The following TAF2 variants were observed in gnomAD, a reference collection of about 807,000 sequenced individuals.
TAF2 encodes the protein transcription initiation factor TFIID subunit 2.
In TAF2, 61 loss-of-function variants were observed where a neutral mutation model predicts 138.5. The ratio of observed to expected loss-of-function variants is 0.44; its 90% CI spans 0.36 to 0.54. TAF2 has a LOEUF of 0.54. Among genes scored for constraint, TAF2 ranks in the 20% least tolerant of loss-of-function variants. The pLI, the probability that TAF2 is intolerant of heterozygous loss-of-function variation, is 0.00. For synonymous variants in TAF2, 475 were observed against 469.9 expected, an observed-to-expected ratio of 1.01 and a Z score of -0.14; for missense variants, 1,090 against 1,427.9, an observed-to-expected ratio of 0.76 and a Z score of 3.81.
At chr8:119,736,853 T>C (rs56712359) in intron 25 of TAF2, among the ~76,000 whole-genome samples, 15,536 of 152,056 alleles carry the variant, frequency 0.1, 1,218 homozygotes, top group African/African-American at 0.22. Context: ...AACTACAAAT[T>C]TACAGAAACT....
In TAF2 at chr8:119,730,959, C is replaced by T. The variant is rs1205201858; in HGVS notation, c.*965G>A. The T allele has an allele frequency of 1.3e-5, 2 of 152,028 alleles. No homozygotes were observed. Among genetic ancestry groups the T allele is most frequent in the Non-Finnish European group, 1.5e-5 (1 of 67,986 alleles). 9.4% of individuals were successfully genotyped at this position (152,028 alleles called of 1,614,324 possible). On this transcript the variant is annotated 3_prime_UTR_variant, in exon 26 of 26. Transcript: ENST00000378164. ...AAAATTCAGAAATAAAAACACACCA[C>T]CATATAAAGAAATCAAAATATTTCA...
intron 2 of TAF2, among the ~76,000 whole-genome samples, chr8:119,824,363 A>T (rs1159612066): frequency 6.7e-6 from 1 of 149,828 alleles, no homozygotes; most frequent in Non-Finnish European, 1.5e-5. Context: ...CAGGAGGTGG[A>T]GGTTGCAGCG....
At chr8:119,763,566 C>A (rs1821211416) in intron 18 of TAF2, among the ~76,000 whole-genome samples, 1 of 151,948 alleles carries the variant, frequency 6.6e-6, no homozygotes, top group Non-Finnish European at 1.5e-5. Context: ...CCCATCTCTA[C>A]TAAAAATACA....
At chr8:119,765,669 G>T (rs2131074391) in intron 18 of TAF2, among the ~76,000 whole-genome samples, 1 of 152,186 alleles carries the variant, frequency 6.6e-6, no homozygotes, top group Admixed American at 6.5e-5. Flanking sequence ...TTTTAAGGAG[G>T]AAAGAAATTC....
intron 3 of TAF2, among the ~76,000 whole-genome samples, chr8:119,816,080 T>A (rs955895364): frequency 2.0e-5 from 3 of 148,298 alleles, no homozygotes; most frequent in Non-Finnish European, 4.5e-5. Context: ...AGACGGAGTC[T>A]TACTTTGTCG....
intron 3 of TAF2, among the ~76,000 whole-genome samples, chr8:119,813,110 G>A (rs1332791577): frequency 6.6e-6 from 1 of 151,830 alleles, no homozygotes; most frequent in Non-Finnish European, 1.5e-5. Flanking sequence ...TGTTTTTTTT[G>A]TTTTGTTTTT....
Position 119,732,087 on chromosome 8 carries a change from T to C in TAF2, c.3437A>G (p.His1146Arg). 1 of 1,614,198 alleles carries C rather than the reference T, an allele frequency of 6.2e-7. No homozygotes were observed. The highest frequency in any genetic ancestry group is 8.5e-7 in the Non-Finnish European group (1 of 1,180,040). ...KESTASKHSD[H>R]HHHHHHEHKK... ...GTGCTCATGGTGATGGTGGTGATGG[T>C]GGTCACTGTGTTTGGAGGCTGTAGA... The change falls in exon 26 of 26, where the codon CAC becomes CGC. Residue 1146 changes from histidine to arginine, a missense_variant. His to Arg is a conservative substitution (Grantham distance 29). Coordinates refer to ENST00000378164, the MANE Select transcript of TAF2 (RefSeq NM_003184.4).
At chr8:119,775,076 C>T (rs1254090189) in intron 18 of TAF2, among the ~76,000 whole-genome samples, 1 of 151,640 alleles carries the variant, frequency 6.6e-6, no homozygotes, top group South Asian at 2.1e-4. Context: ...GTCAAGAGAA[C>T]GAGACCATCC....
chr8:119,742,897 C>T (rs1210333546), intron 24 of TAF2, among the ~76,000 whole-genome samples: 7 of 151,658 alleles, frequency 4.6e-5, no homozygotes, highest in East Asian at 3.9e-4. Flanking sequence ...GCCTAGACCC[C>T]GTCTCTACTA....
intron 3 of TAF2, 143 bp from the exon 4 acceptor site, chr8:119,806,544 A>T: frequency 3.1e-6 from 2 of 654,434 alleles, no homozygotes; most frequent in Non-Finnish European, 2.6e-6. Context: ...ATCTCAACTC[A>T]CTGCAACCTC....
Position 119,819,424 on chromosome 8 carries a change from CG to C in TAF2, c.220del (p.Arg74GlufsTer2). On this transcript the variant is annotated frameshift_variant, in exon 3 of 26. Coordinates refer to ENST00000378164, the MANE Select transcript of TAF2 (RefSeq NM_003184.4). LOFTEE classifies it high-confidence loss of function. ...AGCCTCTAAATCATTGATCCTTACT[CG>C]GTATATTCTACACTGTTTGCTGTTC... ...KLNSKQCRIYRVRINDLEAAF... is the reference protein window; with the variant it reads ...KLNSKQCRIYXVRINDLEAAF... The C allele has an allele frequency of 6.2e-7, 1 of 1,612,460 alleles. No homozygotes were observed. Among genetic ancestry groups the C allele is most frequent in the South Asian group, 1.1e-5 (1 of 91,056 alleles).
At chr8:119,822,974 A>G (rs1825881940) in intron 2 of TAF2, among the ~76,000 whole-genome samples, 1 of 152,080 alleles carries the variant, frequency 6.6e-6, no homozygotes, top group African/African-American at 2.4e-5. Context: ...TGTTTCACGT[A>G]CCCATCTTTC....
At chr8:119,812,731 G>GTT (rs1265033463) in intron 3 of TAF2, among the ~76,000 whole-genome samples, 8 of 134,422 alleles carry the variant, frequency 6.0e-5, no homozygotes, top group Non-Finnish European at 9.6e-5. Context: ...GTGTGTGTGT[G>GTT]TGTGTGTGTG....
At chr8:119,830,935 T>G (rs900739019) in intron 2 of TAF2, among the ~76,000 whole-genome samples, 2 of 152,096 alleles carry the variant, frequency 1.3e-5, no homozygotes, top group African/African-American at 2.4e-5. Context: ...GAGAAAACTC[T>G]GACTCCATTA....
intron 6 of TAF2, among the ~76,000 whole-genome samples, chr8:119,801,083 A>G (rs1824222999): frequency 6.6e-6 from 1 of 152,166 alleles, no homozygotes; most frequent in African/African-American, 2.4e-5. Context: ...TCCTCTGTAT[A>G]GGTTGAAGAG....
At chr8:119,761,939 T>G (rs1308925506) in intron 19 of TAF2, among the ~76,000 whole-genome samples, 1 of 152,170 alleles carries the variant, frequency 6.6e-6, no homozygotes, top group Non-Finnish European at 1.5e-5. Context: ...GTAATATAGT[T>G]TGTTCACTAT....
Position 119,801,786 on chromosome 8 carries a change from T to C in TAF2, c.792+8A>G. 2 of 1,610,574 alleles carry C rather than the reference T, an allele frequency of 1.2e-6. No homozygotes were observed. The highest frequency in any genetic ancestry group is 1.7e-6 in the Non-Finnish European group (2 of 1,176,818). On this transcript the variant is annotated splice_region_variant and intron_variant, in intron 6 of 25. Transcript: ENST00000378164. ...GGAGGAGAGTAAGAGAGGAAAGCTC[T>C]GACTTACCTCATGCATGTATGGATC...
chr8:119,806,541 C>T, intron 3 of TAF2, 140 bp from the exon 4 acceptor site: 1 of 668,912 alleles, frequency 1.5e-6, no homozygotes, highest in Non-Finnish European at 2.6e-6. Flanking sequence ...ACCATCTCAA[C>T]TCACTGCAAC....
Position 119,756,122 on chromosome 8 carries a change from G to C in TAF2, c.2769-7C>G. On this transcript the variant is annotated splice_polypyrimidine_tract_variant and splice_region_variant and intron_variant, in intron 21 of 25. Transcript: ENST00000378164. ...CATGTTGAGAATCTTATGCCTGAAA[G>C]ATTAAAAAAAATTAAATTTTTGCTG... The C allele has an allele frequency of 6.2e-7, 1 of 1,609,852 alleles. No individual in the cohort carries two copies. The highest frequency in any genetic ancestry group is 8.5e-7 in the Non-Finnish European group (1 of 1,176,664).
Sources: allele counts gnomAD v4.1 joint callset (sites outside exome capture counted in the v4.1 genomes callset), GRCh38; gene constraint gnomAD v4.1.1; transcripts MANE v1.5; gene names NCBI Gene and HGNC (gene_info 2026-07-23, HGNC 2026-07-21).